Variants in MAK observed in about 807,000 individuals in gnomAD.
The protein encoded by MAK is male germ cell associated kinase.
A neutral mutation model predicts 82.6 loss-of-function variants in MAK; 65 were observed. The ratio of observed to expected loss-of-function variants is 0.79; its 90% CI spans 0.64 to 0.97. The LOEUF (loss-of-function observed/expected upper bound fraction) is 0.97, where lower values mean the gene tolerates loss of function less well. MAK is among the 50% of genes least tolerant of loss of function. The probability of loss-of-function intolerance (pLI) is 0.00; values close to 1 mark genes in which losing one functional copy is unlikely to be tolerated. For synonymous variants in MAK, 250 were observed against 274.2 expected (o/e 0.91, Z 0.87); for missense variants, 703 against 780.2 (o/e 0.90, Z 1.18).
intron 5 of MAK, among the ~76,000 whole-genome samples, chr6:10,813,121 TATATATATATATAA>T (rs1561987397): frequency 0.013 from 20 of 1,572 alleles, 3 homozygotes; most frequent in Admixed American, 0.022. Flanking sequence ...TATATATATA[TATATATATATATAA>T]ATTTTTTTTT....
At chr6:10,822,410 C>T (rs1035867434) in intron 2 of MAK, among the ~76,000 whole-genome samples, 29 of 151,374 alleles carry the variant, frequency 1.9e-4, no homozygotes, top group African/African-American at 6.1e-4. Context: ...GCCGAGATCG[C>T]GCCATTGCAC....
rs1479718391 is a variant in MAK, at chr6:10,764,307, GGAT to G, written c.*142_*144del. On this transcript the variant is annotated 3_prime_UTR_variant, in exon 15 of 15. Coordinates refer to ENST00000354489, the MANE Select transcript of MAK (RefSeq NM_001242957.3). Reference sequence around the variant, plus strand: ...ATTTCTTGGAAATAAGTAAAATAGGGGATGATTTTTGCCCTTCCAAGTACCCAC... The same window carrying G: ...ATTTCTTGGAAATAAGTAAAATAGGGGATTTTTGCCCTTCCAAGTACCCAC... 1.4e-6 allele frequency: 1 copy of G among 733,452 alleles called. No individual in the cohort carries two copies. The highest frequency in any genetic ancestry group is 1.8e-5 in the African/African-American group (1 of 56,056). 45.4% of individuals were successfully genotyped at this position (733,452 alleles called of 1,614,324 possible).
chr6:10,832,822 G>A (rs1011864771), intron 1 of MAK, among the ~76,000 whole-genome samples: 1 of 151,994 alleles, frequency 6.6e-6, no homozygotes, highest in South Asian at 2.1e-4. Context: ...TTTAAATTAA[G>A]GTATGTATGT....
In MAK at chr6:10,775,372, A is replaced by G; in HGVS notation, c.1553T>C (p.Leu518Pro). The G allele has an allele frequency of 6.2e-7, 1 of 1,613,964 alleles. No homozygotes were observed. Residue 518 changes from leucine (L) to proline (P), a missense_variant, in exon 12 of 15, where the codon CTG (leucine) becomes CCG (proline). By Grantham distance (98) the Leu-to-Pro change is moderately conservative (BLOSUM62 -3). Transcript: ENST00000354489. Reference sequence around the variant, plus strand: ...AGCAAGTTCTGCCCCAACGGGTCCCAGTGACTTGGGGAATAACTGGTTGCT... The same window carrying G: ...AGCAAGTTCTGCCCCAACGGGTCCCGGTGACTTGGGGAATAACTGGTTGCT... The part of the protein sequence containing the change: ...TWSNQLFPKS[L>P]GPVGAELAFK...
intron 1 of MAK, among the ~76,000 whole-genome samples, chr6:10,833,614 A>G (rs899587035): frequency 6.7e-6 from 1 of 148,814 alleles, no homozygotes; most frequent in South Asian, 2.1e-4. Flanking sequence ...CAAAATAATA[A>G]TAATAATAAT....
chr6:10,793,838 G>C lies in MAK; in HGVS notation c.1144-1991C>G, dbSNP rs745890677. ...GCATCTTCCAAGGGGTCATGGGGAGGACTGTCATCGTTGGTGGCACGAGTG... is the reference window on the plus strand; with the variant it reads ...GCATCTTCCAAGGGGTCATGGGGAGCACTGTCATCGTTGGTGGCACGAGTG... On this transcript the variant is annotated intron_variant, in intron 9 of 14. Transcript: ENST00000354489. This position sits in a 1 kb window ranked among gnomAD's most constrained non-coding sequence, Gnocchi z 4.6. 4.7e-4 allele frequency among the ~76,000 whole-genome samples: 72 copies of C among 152,168 alleles called. 2 individuals carry two copies. The highest frequency in any genetic ancestry group is 5.9e-5 in the Non-Finnish European group (4 of 68,032).
At chr6:10,810,295 G>A (rs114699955) in intron 5 of MAK, among the ~76,000 whole-genome samples, 2,282 of 151,036 alleles carry the variant, frequency 0.015, 53 homozygotes, top group South Asian at 0.047. Context: ...ATCACTTGAA[G>A]AGGGTTTTCA....
At chr6:10,815,458 A>T (rs747976280) in intron 4 of MAK, among the ~76,000 whole-genome samples, 51 of 152,068 alleles carry the variant, frequency 3.4e-4, no homozygotes, top group Non-Finnish European at 5.9e-4. Flanking sequence ...CCCTGTCTCT[A>T]CTAAAAATAC....
chr6:10,765,306 A>G (rs1364124030), intron 14 of MAK, among the ~76,000 whole-genome samples: 1 of 152,156 alleles, frequency 6.6e-6, no homozygotes, highest in Non-Finnish European at 1.5e-5. Flanking sequence ...TCTAAATAAT[A>G]TTGACACAAT....
At chr6:10,816,852 A>G (rs1777538240) in intron 4 of MAK, among the ~76,000 whole-genome samples, 2 of 152,182 alleles carry the variant, frequency 1.3e-5, no homozygotes, top group African/African-American at 4.8e-5. Context: ...GTATCCACAT[A>G]AAAAATACTT....
At chr6:10,782,623 T>C (rs1384897976) in intron 11 of MAK, among the ~76,000 whole-genome samples, 1 of 148,342 alleles carries the variant, frequency 6.7e-6, no homozygotes, top group Non-Finnish European at 1.5e-5. Context: ...CTGTTGCCCA[T>C]GCTGGAGTGC....
At position 10,764,292 on chromosome 6, in the gene MAK, A is replaced by G; in HGVS notation, c.*160T>C. 1 of 678,356 alleles carries G rather than the reference A, an allele frequency of 1.5e-6. No individual in the cohort carries two copies. Among genetic ancestry groups the G allele is most frequent in the South Asian group, 1.9e-5 (1 of 53,198 alleles). 42.0% of individuals were successfully genotyped at this position (678,356 alleles called of 1,614,324 possible). A position where few individuals can be genotyped will look rare whatever the true frequency, so the allele number is the denominator to read the frequency against. On this transcript the variant is annotated 3_prime_UTR_variant, in exon 15 of 15. Coordinates refer to ENST00000354489, the MANE Select transcript of MAK (RefSeq NM_001242957.3). ...ATGCTAAGAAAATGCATTTCTTGGA[A>G]ATAAGTAAAATAGGGGATGATTTTT...
At chr6:10,779,127 C>CAAAAAAAAA (rs918122203) in intron 11 of MAK, among the ~76,000 whole-genome samples, 1 of 20,004 alleles carries the variant, frequency 5.0e-5, no homozygotes, top group Non-Finnish European at 1.1e-4. Context: ...CACTTCGTCT[C>CAAAAAAAAA]AAAAAAAAAA....
chr6:10,794,967 G>A (rs1195811977), intron 9 of MAK, among the ~76,000 whole-genome samples: 1 of 151,548 alleles, frequency 6.6e-6, no homozygotes, highest in Non-Finnish European at 1.5e-5. Flanking sequence ...ACTCCAGCCT[G>A]GGCAACAAGA....
chr6:10,819,323 A>T (rs1048963362), intron 2 of MAK, among the ~76,000 whole-genome samples: 18 of 152,202 alleles, frequency 1.2e-4, no homozygotes, highest in Admixed American at 2.0e-4. Context: ...TTCAGAAGTA[A>T]CTACAAACGT....
intron 10 of MAK, chr6:10,784,778 C>CTAGA (rs1554168261): frequency 2.9e-6 from 2 of 684,264 alleles, no homozygotes; most frequent in African/African-American, 3.5e-5. Context: ...ATTTCTGATA[C>CTAGA]CAGTATGTGA....
chr6:10,791,916 T>C (rs1013336067), intron 9 of MAK, 69 bp from the exon 10 acceptor site: 14 of 1,506,832 alleles, frequency 9.3e-6, no homozygotes, highest in Non-Finnish European at 1.3e-5. Context: ...CAAGCTACTA[T>C]CTATGTAAGA....
intron 2 of MAK, among the ~76,000 whole-genome samples, chr6:10,820,524 T>A (rs2127579440): frequency 6.6e-6 from 1 of 152,314 alleles, no homozygotes; most frequent in African/African-American, 2.4e-5. Flanking sequence ...AACTACTGCA[T>A]AAGAAAAGCA....
chr6:10,795,967 T>C, intron 9 of MAK, 31 bp downstream of exon 9: 1 of 1,605,148 alleles, frequency 6.2e-7, no homozygotes, highest in Admixed American at 1.7e-5. Flanking sequence ...GTCAAACTAT[T>C]TCATTGCAAG....
Sources: allele counts gnomAD v4.1 joint callset (sites outside exome capture counted in the v4.1 genomes callset), GRCh38; gene constraint gnomAD v4.1.1; non-coding constraint Gnocchi (gnomAD v3.1); transcripts MANE v1.5; gene names NCBI Gene and HGNC (gene_info 2026-07-23, HGNC 2026-07-21).